Variants in PLS1 observed in about 807,000 individuals in gnomAD.
PLS1 encodes plastin 1.
Under a neutral mutation model 73.7 loss-of-function variants are expected in PLS1, and 32 were observed. The observed-to-expected ratio is 0.43, with a 90% confidence interval of 0.33 to 0.58. The LOEUF is 0.58. Among genes scored for constraint, PLS1 ranks in the 20% least tolerant of loss-of-function variants. The pLI, the probability that PLS1 is intolerant of heterozygous loss-of-function variation, is 0.04. For missense variants in PLS1, 633 were observed against 740.5 expected (o/e 0.85, Z 1.68); for synonymous variants, 217 against 261.3 (o/e 0.83, Z 1.63).
At chr3:142,687,950 TG>T (rs1431671676) in intron 9 of PLS1, among the ~76,000 whole-genome samples, 15 of 143,554 alleles carry the variant, frequency 1.0e-4, no homozygotes, top group Admixed American at 2.7e-4. Flanking sequence ...TTTATTTGTT[TG>T]TTTTTTTTTT....
At chr3:142,658,279 C>T (rs1424271151) in intron 1 of PLS1, among the ~76,000 whole-genome samples, 1 of 152,006 alleles carries the variant, frequency 6.6e-6, no homozygotes, top group African/African-American at 2.4e-5. Flanking sequence ...TAGAGACCAG[C>T]CTGGCCAACA....
chr3:142,655,722 CAA>C (rs869165571), intron 1 of PLS1, among the ~76,000 whole-genome samples: 4,634 of 65,314 alleles, frequency 0.071, 241 homozygotes, highest in African/African-American at 0.17. Context: ...AATTCCGTCT[CAA>C]AAAAAAAAAA....
Position 142,676,295 on chromosome 3 carries a change from T to A in PLS1, c.497+6T>A. On this transcript the variant is annotated splice_donor_region_variant and intron_variant, in intron 5 of 15. Coordinates refer to ENST00000457734, the MANE Select transcript of PLS1 (RefSeq NM_001145319.2). ...GCAGATGGCATCCTTCTTTGGTGAG[T>A]TGAACTTCTGGTTAAGGAAGCTGCG... The A allele has an allele frequency of 1.2e-6, 2 of 1,610,532 alleles. No individual in the cohort carries two copies. Among genetic ancestry groups the A allele is most frequent in the Non-Finnish European group, 1.7e-6 (2 of 1,178,938 alleles).
At chr3:142,617,868 C>T (rs1467418198) in intron 1 of PLS1, among the ~76,000 whole-genome samples, 2 of 152,142 alleles carry the variant, frequency 1.3e-5, no homozygotes, top group African/African-American at 4.8e-5. Flanking sequence ...ATCCCAGCTA[C>T]TCAGGAAGCT....
intron 8 of PLS1, among the ~76,000 whole-genome samples, chr3:142,684,995 TTCTC>T (rs915383108): frequency 2.4e-4 from 37 of 152,342 alleles, no homozygotes; most frequent in African/African-American, 6.7e-4. Flanking sequence ...GACTTTTTTC[TTCTC>T]TCTGTTTCTT....
intron 9 of PLS1, among the ~76,000 whole-genome samples, chr3:142,688,846 AT>A (rs949102688): frequency 6.6e-6 from 1 of 152,092 alleles, no homozygotes; most frequent in African/African-American, 2.4e-5. Flanking sequence ...GGGTTTTGCA[AT>A]TGTGAAAGGT....
chr3:142,686,154 ATTCT>A (rs2037960237), intron 8 of PLS1, 126 bp from the exon 9 acceptor site: 1 of 628,722 alleles, frequency 1.6e-6, no homozygotes, highest in Admixed American at 2.7e-5. Context: ...CCTACAAGTA[ATTCT>A]TTATTTTTAA....
At chr3:142,708,677 C>A (rs1404412025) in intron 14 of PLS1, among the ~76,000 whole-genome samples, 1 of 152,140 alleles carries the variant, frequency 6.6e-6, no homozygotes, top group East Asian at 1.9e-4. Flanking sequence ...TATTGAAATT[C>A]TTTTTGCCGA....
intron 1 of PLS1, among the ~76,000 whole-genome samples, chr3:142,606,358 A>T (rs1247315781): frequency 6.6e-6 from 1 of 152,204 alleles, no homozygotes; most frequent in Non-Finnish European, 1.5e-5. Context: ...CAGAGAAATT[A>T]AAGGTTTCAT....
At chr3:142,694,769 A>G (rs1385489023) in intron 11 of PLS1, among the ~76,000 whole-genome samples, 1 of 152,246 alleles carries the variant, frequency 6.6e-6, no homozygotes, top group African/African-American at 2.4e-5. Context: ...GTAAATCAGT[A>G]AAGATAATCC....
intron 4 of PLS1, among the ~76,000 whole-genome samples, chr3:142,674,483 C>T (rs1317251286): frequency 1.3e-5 from 2 of 152,158 alleles, no homozygotes; most frequent in African/African-American, 4.8e-5. Flanking sequence ...GTGCTACCCT[C>T]TGATGGAAAT....
chr3:142,599,213 TAAA>T, intron 1 of PLS1, among the ~76,000 whole-genome samples: 1 of 147,062 alleles, frequency 6.8e-6, no homozygotes, highest in Non-Finnish European at 1.5e-5. Context: ...AATAAATAAA[TAAA>T]AAGTGCATTT....
intron 3 of PLS1, among the ~76,000 whole-genome samples, chr3:142,669,845 T>G (rs1272209636): frequency 2.6e-5 from 4 of 152,218 alleles, no homozygotes; most frequent in Non-Finnish European, 5.9e-5. Flanking sequence ...ACCATTAATA[T>G]AATTGAATAA....
At chr3:142,673,262 AT>A (rs2107851380) in intron 4 of PLS1, among the ~76,000 whole-genome samples, 1 of 152,120 alleles carries the variant, frequency 6.6e-6, no homozygotes, top group South Asian at 2.1e-4. Flanking sequence ...ACCCAGGTTG[AT>A]CTTGAACTCC....
chr3:142,687,624 T>G (rs2037998231), intron 9 of PLS1, among the ~76,000 whole-genome samples: 1 of 152,178 alleles, frequency 6.6e-6, no homozygotes, highest in African/African-American at 2.4e-5. Flanking sequence ...TATCAGGTAC[T>G]CATCCCTCAG....
chr3:142,630,691 C>T (rs1221045174), intron 1 of PLS1, among the ~76,000 whole-genome samples: 2 of 151,778 alleles, frequency 1.3e-5, no homozygotes, highest in Non-Finnish European at 2.9e-5. Context: ...GTGGAGGTTG[C>T]AGTGAGCCAA....
intron 1 of PLS1, among the ~76,000 whole-genome samples, chr3:142,629,617 G>A (rs2036509765): frequency 6.6e-6 from 1 of 152,214 alleles, no homozygotes; most frequent in Non-Finnish European, 1.5e-5. Flanking sequence ...GGAAGGATTA[G>A]AAGGAATAGT....
At chr3:142,657,234 G>T (rs1290448748) in intron 1 of PLS1, 1 of 152,208 alleles carries the variant, frequency 6.6e-6, no homozygotes, top group Non-Finnish European at 1.5e-5. Flanking sequence ...AGTCTTACTT[G>T]CTGGCACCTA....
intron 10 of PLS1, among the ~76,000 whole-genome samples, chr3:142,690,025 T>G (rs1308452688): frequency 6.6e-6 from 1 of 152,136 alleles, no homozygotes; most frequent in African/African-American, 2.4e-5. Flanking sequence ...CCATAAGAGG[T>G]TAGTGAAAAC....
Sources: gnomAD v4.1 joint callset for allele counts (sites outside exome capture counted in the v4.1 genomes callset) on GRCh38, gnomAD v4.1.1 for gene constraint, MANE v1.5 for transcripts, NCBI Gene and HGNC (gene_info 2026-07-23, HGNC 2026-07-21) for gene names.